Variants in CSMD1 observed in about 807,000 individuals in gnomAD.
The protein encoded by CSMD1 is CUB and Sushi multiple domains 1.
Under a neutral mutation model 417.5 loss-of-function variants are expected in CSMD1, and 213 were observed. That is an observed-to-expected ratio of 0.51 (90% CI 0.46 to 0.57). The LOEUF (loss-of-function observed/expected upper bound fraction) is 0.57. Among genes scored for constraint, CSMD1 ranks in the 20% least tolerant of loss-of-function variants. The pLI is 0.00. For synonymous variants in CSMD1, 2,862 were observed against 1,736.8 expected, an observed-to-expected ratio of 1.65 and a Z score of -16.11; for missense variants, 6,923 against 4,529.7, an observed-to-expected ratio of 1.53 and a Z score of -15.17.
chr8:4,179,318 G>A (rs1309378961), intron 3 of CSMD1, among the ~76,000 whole-genome samples: 1 of 152,168 alleles, frequency 6.6e-6, no homozygotes, highest in African/African-American at 2.4e-5. Flanking sequence ...ACAAAACCAA[G>A]CAATGGGGGA....
intron 23 of CSMD1, among the ~76,000 whole-genome samples, chr8:3,317,741 C>A (rs866957832): frequency 6.6e-6 from 1 of 152,138 alleles, no homozygotes; most frequent in Non-Finnish European, 1.5e-5. Flanking sequence ...CACATTTTAA[C>A]TTTAAAATGT....
At chr8:3,553,406 G>C (rs192500259) in intron 10 of CSMD1, among the ~76,000 whole-genome samples, 16 of 152,280 alleles carry the variant, frequency 1.1e-4, no homozygotes, top group Non-Finnish European at 1.9e-4. Flanking sequence ...GACAGACCCA[G>C]CTGATTCATG....
At chr8:4,139,296 A>G (rs1803631825) in intron 3 of CSMD1, among the ~76,000 whole-genome samples, 1 of 152,216 alleles carries the variant, frequency 6.6e-6, no homozygotes, top group Non-Finnish European at 1.5e-5. Context: ...CCTGTGTCTT[A>G]CAGCTGTCGT....
chr8:3,492,642 T>A (rs568216911), intron 11 of CSMD1, among the ~76,000 whole-genome samples: 24 of 152,286 alleles, frequency 1.6e-4, no homozygotes, highest in Admixed American at 1.3e-3. Flanking sequence ...ACAAAAACTG[T>A]CTTTGAGGCC....
chr8:3,255,441 T>C (rs1028096119), intron 26 of CSMD1, among the ~76,000 whole-genome samples: 15 of 152,224 alleles, frequency 9.9e-5, no homozygotes, highest in Non-Finnish European at 1.8e-4. Flanking sequence ...TGCTGCCTTT[T>C]GTTGTCTGTG....
intron 52 of CSMD1, among the ~76,000 whole-genome samples, chr8:3,005,664 C>A (rs1226160218): frequency 1.3e-5 from 2 of 152,150 alleles, no homozygotes; most frequent in Non-Finnish European, 2.9e-5. Context: ...GAGCCAAAGA[C>A]AAAAACCACA....
intron 6 of CSMD1, among the ~76,000 whole-genome samples, chr8:3,720,927 T>G (rs897753010): frequency 1.3e-5 from 2 of 152,158 alleles, no homozygotes; most frequent in African/African-American, 4.8e-5. Context: ...GTGTTTCTCC[T>G]GCCTCAGCCT....
chr8:4,951,075 G>C (rs888923638), intron 1 of CSMD1, among the ~76,000 whole-genome samples: 1 of 151,952 alleles, frequency 6.6e-6, no homozygotes, highest in Non-Finnish European at 1.5e-5. Context: ...AATAATAAAT[G>C]AAGAATGAGA....
chr8:4,002,855 G>C (rs1264563479), intron 4 of CSMD1, among the ~76,000 whole-genome samples: 1 of 152,114 alleles, frequency 6.6e-6, no homozygotes, highest in East Asian at 1.9e-4. Flanking sequence ...TAAAATGTTT[G>C]AATGTATTAA....
Position 3,616,882 on chromosome 8 carries a change from T to G in CSMD1, c.1010-85A>C, listed in dbSNP as rs774841129. On this transcript the variant is annotated intron_variant, in intron 7 of 69. Transcript: ENST00000635120. ...AAAAATTTATTCTAGGCATTTTCAG[T>G]TCTTTAATGATAATGACTTAAAATG... 1.6e-4 allele frequency: 137 copies of G among 868,622 alleles called. 1 individual carries two copies. The Middle Eastern group carries it at 5.1e-3, about 33-fold the overall frequency. 53.8% of individuals were successfully genotyped at this position (868,622 alleles called of 1,614,324 possible).
intron 1 of CSMD1, among the ~76,000 whole-genome samples, chr8:4,945,365 G>A (rs1808297547): frequency 6.6e-6 from 1 of 152,106 alleles, no homozygotes; most frequent in Non-Finnish European, 1.5e-5. Context: ...TAACACTTCT[G>A]AACTGCCTGC....
intron 1 of CSMD1, among the ~76,000 whole-genome samples, chr8:4,682,070 G>C (rs750301978): frequency 6.6e-6 from 1 of 152,162 alleles, no homozygotes; most frequent in African/African-American, 2.4e-5. Flanking sequence ...CCAGGCTGAA[G>C]TGCTGTGGGG....
chr8:3,800,801 G>A (rs574096255), intron 5 of CSMD1, among the ~76,000 whole-genome samples: 24 of 152,106 alleles, frequency 1.6e-4, no homozygotes, highest in Middle Eastern at 3.4e-3. Flanking sequence ...TATTTTGTAC[G>A]TGCCCACTTC....
chr8:4,302,894 T>C (rs1199826196), intron 3 of CSMD1, among the ~76,000 whole-genome samples: 4 of 152,024 alleles, frequency 2.6e-5, no homozygotes, highest in African/African-American at 9.7e-5. Context: ...CCATGCTGAT[T>C]CATATTAACT....
At chr8:4,741,114 A>G (rs1327199029) in intron 1 of CSMD1, among the ~76,000 whole-genome samples, 1 of 152,180 alleles carries the variant, frequency 6.6e-6, no homozygotes, top group Non-Finnish European at 1.5e-5. Context: ...CCATCCTAGT[A>G]TCTCCTCTTT....
At chr8:4,252,926 G>A (rs1803182521) in intron 3 of CSMD1, among the ~76,000 whole-genome samples, 1 of 152,188 alleles carries the variant, frequency 6.6e-6, no homozygotes, top group Non-Finnish European at 1.5e-5. Context: ...CTGGACCCAT[G>A]GCAGCAGAAC....
intron 5 of CSMD1, among the ~76,000 whole-genome samples, chr8:3,777,192 GTTATA>G (rs1443635534): frequency 6.6e-6 from 1 of 150,922 alleles, no homozygotes; most frequent in African/African-American, 2.4e-5. Flanking sequence ...TCTGTTACTT[GTTATA>G]TTATGTTTAA....
At chr8:4,496,890 G>C (rs1047169508) in intron 2 of CSMD1, among the ~76,000 whole-genome samples, 2 of 152,112 alleles carry the variant, frequency 1.3e-5, no homozygotes, top group African/African-American at 4.8e-5. Flanking sequence ...AGGCTTTCCA[G>C]ACCATTTAAT....
chr8:4,519,253 G>A (rs1255692453), intron 2 of CSMD1, among the ~76,000 whole-genome samples: 3 of 151,960 alleles, frequency 2.0e-5, no homozygotes, highest in African/African-American at 7.3e-5. Flanking sequence ...CTCAATGCTG[G>A]CCTGGCAAAT....
Sources: gnomAD v4.1 joint callset for allele counts (sites outside exome capture counted in the v4.1 genomes callset) on GRCh38, gnomAD v4.1.1 for gene constraint, MANE v1.5 for transcripts, NCBI Gene and HGNC (gene_info 2026-07-23, HGNC 2026-07-21) for gene names.